CASC3: variants seen among roughly 807,000 people sequenced by gnomAD.
CASC3 encodes protein CASC3.
Under a neutral mutation model 80.5 loss-of-function variants are expected in CASC3, and 30 were observed. The observed-to-expected ratio is 0.37, with a 90% CI of 0.28 to 0.51. The LOEUF (loss-of-function observed/expected upper bound fraction) is 0.51. CASC3 is among the 20% of genes least tolerant of loss of function. The pLI, the probability that CASC3 is intolerant of heterozygous loss-of-function variation, is 0.94. For missense variants in CASC3, 824 were observed against 922.2 expected (o/e 0.89, Z 1.38); for synonymous variants, 312 against 333.6 (o/e 0.94, Z 0.70).
At chr17:40,169,087 C>T in intron 11 of CASC3, 1 of 422,758 alleles carries the variant, frequency 2.4e-6, no homozygotes, top group Non-Finnish European at 4.2e-6. Flanking sequence ...CATTTGTCAG[C>T]TGATGGTAGG....
chr17:40,161,619 C>G, intron 3 of CASC3, 134 bp from the exon 4 acceptor site: 3 of 744,866 alleles, frequency 4.0e-6, no homozygotes, highest in Non-Finnish European at 6.9e-6. Flanking sequence ...GCAGAGGTTA[C>G]AGTGAGCTGA....
chr17:40,155,828 T>C lies in CASC3; in HGVS notation c.298-5925T>C, dbSNP rs575641861. On this transcript the variant is annotated intron_variant, in intron 3 of 13. Coordinates refer to ENST00000264645, the MANE Select transcript of CASC3 (RefSeq NM_007359.5). ...GGAGTTTGTCTCTTCTGGAAAAAGG[T>C]TTTGATGACATCCCTTTGCCAAAGC... 4.6e-5 allele frequency among the ~76,000 whole-genome samples: 7 copies of C among 152,252 alleles called. No individual in the cohort carries two copies. In the South Asian group the frequency reaches 1.2e-3, roughly 27 times the overall value.
chr17:40,163,598 T>G lies in CASC3; in HGVS notation c.903T>G (p.Ala301=). The G allele has an allele frequency of 6.2e-7, 1 of 1,614,158 alleles. No individual in the cohort carries two copies. Among genetic ancestry groups the G allele is most frequent in the Non-Finnish European group, 8.5e-7 (1 of 1,180,010 alleles). Residue 301 remains alanine, a synonymous_variant, in exon 7 of 14, where the codon GCT becomes GCG. Coordinates refer to ENST00000264645, the MANE Select transcript of CASC3 (RefSeq NM_007359.5). ...LPPRTFINRN[A]AGTGRMSAPR... ...CAAGGACATTTATTAACAGGAATGC[T>G]GCAGGTACCGGCCGTATGTCTGCAC...
intron 7 of CASC3, among the ~76,000 whole-genome samples, chr17:40,164,749 C>CGTTTTTTTTT (rs1567683752): frequency 3.4e-5 from 3 of 87,866 alleles, no homozygotes; most frequent in African/African-American, 2.0e-4. Context: ...CCGTGCCTGG[C>CGTTTTTTTTT]CTTTTTTTTT....
chr17:40,145,307 G>A (rs1017396500), intron 3 of CASC3, among the ~76,000 whole-genome samples: 2 of 151,882 alleles, frequency 1.3e-5, no homozygotes, highest in Non-Finnish European at 2.9e-5. Context: ...CCGAGTAGCT[G>A]GGACTACAGG....
chr17:40,171,168 G>C lies in CASC3; in HGVS notation c.*763G>C, dbSNP rs990273487. 5 of 985,896 alleles carry C rather than the reference G, an allele frequency of 5.1e-6. No individual in the cohort carries two copies. In the African/African-American group the frequency reaches 7.0e-5, roughly 14 times the overall value. 61.1% of individuals were successfully genotyped at this position (985,896 alleles called of 1,614,324 possible). A position where few individuals can be genotyped will look rare whatever the true frequency, so the allele number is the denominator to read the frequency against. ...CTTTGACTTAGGTTTTTAGGAGTCT[G>C]AGCATCCATCAATACCTGTACTATG... is the stretch of plus-strand genomic sequence containing the variant. On this transcript the variant is annotated 3_prime_UTR_variant, in exon 14 of 14. Coordinates refer to ENST00000264645, the MANE Select transcript of CASC3 (RefSeq NM_007359.5).
Position 40,168,269 on chromosome 17 carries a change from T to C in CASC3, c.1817T>C (p.Met606Thr), listed in dbSNP as rs1989503269. The change falls in exon 11 of 14, where the codon ATG (methionine) becomes ACG (threonine). Residue 606 changes from methionine (M) to threonine (T), a missense_variant. By Grantham distance (81) the Met-to-Thr change is moderately conservative. This residue lies in a region of CASC3 where 464 missense variants were observed against 506.0 expected (regional missense o/e 0.92). Coordinates refer to ENST00000264645, the MANE Select transcript of CASC3 (RefSeq NM_007359.5). ...GGCCTCTATCCCCCACCAGTGTCCATGTCTCCAGGACAGCCACCACCTCAG... is the reference window on the plus strand; with the variant it reads ...GGCCTCTATCCCCCACCAGTGTCCACGTCTCCAGGACAGCCACCACCTCAG... ...NPGLYPPPVSMSPGQPPPQQL... is the reference protein window; with the variant it reads ...NPGLYPPPVSTSPGQPPPQQL... 3 of 1,614,048 alleles carry C rather than the reference T, an allele frequency of 1.9e-6. No individual in the cohort carries two copies. The Admixed American group carries it at 5.0e-5, about 27-fold the overall frequency.
intron 3 of CASC3, among the ~76,000 whole-genome samples, chr17:40,153,523 G>C (rs1989064988): frequency 6.6e-6 from 1 of 152,134 alleles, no homozygotes; most frequent in South Asian, 2.1e-4. Flanking sequence ...CCTAGGAATG[G>C]AATTGCTGAG....
rs1989104500 is a variant in CASC3 at position 40,154,780 on chromosome 17, AT to A, written c.298-6970del. ...ATTTGCCAAACTGAGAGTCATGAGT[AT>A]TTACTCCTGTGTTTTCTTCTAAGAG... On this transcript the variant is annotated intron_variant, in intron 3 of 13. Coordinates refer to ENST00000264645, the MANE Select transcript of CASC3 (RefSeq NM_007359.5). Among the ~76,000 whole-genome samples the A allele has an allele frequency of 2.0e-5, 3 of 152,102 alleles. No individual in the cohort carries two copies. In the South Asian group the frequency reaches 6.2e-4, roughly 32 times the overall value.
chr17:40,172,071 T>A lies in CASC3; in HGVS notation c.*1666T>A. On this transcript the variant is annotated 3_prime_UTR_variant, in exon 14 of 14. Transcript: ENST00000264645. ...GGTCCACTGTGTTTAGTTGCAAGGA[T>A]TTTTCCATGTGTGGTGGTGTTTTTT... 7.8e-7 allele frequency: 1 copy of A among 1,289,922 alleles called. No individual in the cohort carries two copies. The highest frequency in any genetic ancestry group is 1.0e-6 in the Non-Finnish European group (1 of 988,870). 79.9% of individuals were successfully genotyped at this position (1,289,922 alleles called of 1,614,324 possible).
At chr17:40,164,859 A>G (rs1281956392) in intron 7 of CASC3, among the ~76,000 whole-genome samples, 10 of 124,692 alleles carry the variant, frequency 8.0e-5, no homozygotes, top group African/African-American at 3.1e-4. Context: ...GGGCTCAAAC[A>G]ATTCTCCTGC....
rs1989573885 is a variant in CASC3 at position 40,170,786 on chromosome 17, C to G, written c.*381C>G. The G allele has an allele frequency of 1.3e-5, 13 of 985,202 alleles. No individual in the cohort carries two copies. The highest frequency in any genetic ancestry group is 5.2e-5 in the African/African-American group (3 of 57,190). 61.0% of individuals were successfully genotyped at this position (985,202 alleles called of 1,614,324 possible). A position where few individuals can be genotyped will look rare whatever the true frequency, so the allele number is the denominator to read the frequency against. Reference sequence around the variant, plus strand: ...AGCTCCTTCCTGTTTGTTTTGTTTTCTAAGATGTTCATTTTTAAAGCCTGG... The same window carrying G: ...AGCTCCTTCCTGTTTGTTTTGTTTTGTAAGATGTTCATTTTTAAAGCCTGG... On this transcript the variant is annotated 3_prime_UTR_variant, in exon 14 of 14. Coordinates refer to ENST00000264645, the MANE Select transcript of CASC3 (RefSeq NM_007359.5).
intron 8 of CASC3, 197 bp from the exon 9 acceptor site, chr17:40,167,301 A>C (rs1016127932): frequency 1.4e-5 from 8 of 586,164 alleles, no homozygotes; most frequent in African/African-American, 9.4e-5. Context: ...TGTTTCTTTT[A>C]ATTTGGATCT....
In CASC3 at chr17:40,141,601, C is replaced by T; in HGVS notation, c.291C>T (p.Asp97=). 6.2e-7 allele frequency: 1 copy of T among 1,613,336 alleles called. No individual in the cohort carries two copies. Among genetic ancestry groups the T allele is most frequent in the South Asian group, 1.1e-5 (1 of 90,994 alleles). Residue 97 remains aspartate, a synonymous_variant, in exon 3 of 14, where the codon GAC becomes GAT. Coordinates refer to ENST00000264645, the MANE Select transcript of CASC3 (RefSeq NM_007359.5). ...AVLSDYESAE[D]SEGEEGEYSE... is the part of the protein sequence containing the mutation. ...TCTCGGATTATGAAAGTGCAGAAGA[C>T]TCGGAAGTGAGTATGACAGGTTTTT...
chr17:40,151,707 A>G (rs1989014113), intron 3 of CASC3, among the ~76,000 whole-genome samples: 1 of 151,566 alleles, frequency 6.6e-6, no homozygotes, highest in East Asian at 1.9e-4. Context: ...AAAAAAAAAA[A>G]AAAAAAAGGA....
At chr17:40,155,587 C>T (rs954287159) in intron 3 of CASC3, among the ~76,000 whole-genome samples, 4 of 152,058 alleles carry the variant, frequency 2.6e-5, no homozygotes, top group East Asian at 1.9e-4. Flanking sequence ...CCCGTGGCCT[C>T]GGAGGAGCCG....
chr17:40,155,484 G>A (rs1167086233), intron 3 of CASC3, among the ~76,000 whole-genome samples: 1 of 152,148 alleles, frequency 6.6e-6, no homozygotes, highest in Non-Finnish European at 1.5e-5. Context: ...GCAGTTCTAG[G>A]TAAGACTGGT....
intron 12 of CASC3, 57 bp from the exon 13 acceptor site, chr17:40,169,541 C>CT: frequency 6.3e-7 from 1 of 1,578,978 alleles, no homozygotes; most frequent in Non-Finnish European, 8.6e-7. Context: ...GTGTGTTTCT[C>CT]TGGAAAACAG....
At chr17:40,153,659 C>G (rs576568546) in intron 3 of CASC3, among the ~76,000 whole-genome samples, 1 of 152,234 alleles carries the variant, frequency 6.6e-6, no homozygotes, top group Non-Finnish European at 1.5e-5. Flanking sequence ...CTTAACAGCA[C>G]TTGTTGTGTT....
Sources: allele counts gnomAD v4.1 joint callset (sites outside exome capture counted in the v4.1 genomes callset), GRCh38; gene constraint gnomAD v4.1.1; regional missense constraint gnomAD v4.1.1; transcripts MANE v1.5; gene names NCBI Gene and HGNC (gene_info 2026-07-23, HGNC 2026-07-21).